Variants in UBXN1 observed in about 807,000 individuals in gnomAD.
UBXN1 encodes UBX domain protein 1.
In UBXN1, 21 loss-of-function variants were observed where a neutral mutation model predicts 42.0. The observed-to-expected ratio is 0.50, with a 90% CI of 0.35 to 0.72. The LOEUF (loss-of-function observed/expected upper bound fraction) is 0.72, where lower values mean the gene tolerates loss of function less well. Ranked by LOEUF, UBXN1 falls within the 30% of genes least tolerant of loss-of-function variation. The pLI is 0.00. For missense variants in UBXN1, 374 were observed against 382.2 expected (o/e 0.98, Z 0.18); for synonymous variants, 172 against 142.6 (o/e 1.21, Z -1.47).
Position 62,679,048 on chromosome 11 carries a change from T to C in UBXN1, c.-125A>G, listed in dbSNP as rs955282085. 11 of 1,057,512 alleles carry C rather than the reference T, an allele frequency of 1.0e-5. No homozygotes were observed. The Admixed American group carries it at 1.8e-4, about 18-fold the overall frequency. 65.5% of individuals were successfully genotyped at this position (1,057,512 alleles called of 1,614,324 possible). On this transcript the variant is annotated 5_prime_UTR_variant, in exon 1 of 9. Transcript: ENST00000301935. ...GCGCTCGCTCTCTCACCCGGCTCTA[T>C]AGCAGCCGGGAACACCGACGAGAAG...
chr11:62,677,172 G>A lies in UBXN1; in HGVS notation c.652-167C>T, dbSNP rs968730853. Reference sequence around the variant, plus strand: ...ACTTAGGCTCCGCTTTACTAAGTGCGGATGAGAGACTCCCAGCTCCCTCAC... The same window carrying A: ...ACTTAGGCTCCGCTTTACTAAGTGCAGATGAGAGACTCCCAGCTCCCTCAC... On this transcript the variant is annotated intron_variant, in intron 7 of 8. Coordinates refer to ENST00000301935, the MANE Select transcript of UBXN1 (RefSeq NM_001286077.2). 22 of 742,504 alleles carry A rather than the reference G, an allele frequency of 3.0e-5. 1 individual carries two copies. In the East Asian group the frequency reaches 3.5e-4, roughly 12 times the overall value. The allele number at this position is 742,504 out of a possible 1,614,324, so 46.0% of individuals were successfully genotyped here.
Position 62,676,804 on chromosome 11 carries a change from C to T in UBXN1, c.844+9G>A. On this transcript the variant is annotated intron_variant, in intron 8 of 8. Coordinates refer to ENST00000301935, the MANE Select transcript of UBXN1 (RefSeq NM_001286077.2). ...TTTCTAGTCCTGGTTTCTAGTCTTGCAGCCATACCCAGCTCCTGCAGAGGC... is the reference window on the plus strand; with the variant it reads ...TTTCTAGTCCTGGTTTCTAGTCTTGTAGCCATACCCAGCTCCTGCAGAGGC... The T allele has an allele frequency of 6.2e-7, 1 of 1,614,172 alleles. No individual in the cohort carries two copies. Among genetic ancestry groups the T allele is most frequent in the Non-Finnish European group, 8.5e-7 (1 of 1,180,042 alleles).
rs1230679236 is a variant in UBXN1, at chr11:62,676,526, G to A, written c.*64C>T. ...ACAGAACTCAGGGTCTATTTATTAGGAAGGAGATGTCAGTGCTTTATCAAA... is the reference window on the plus strand; with the variant it reads ...ACAGAACTCAGGGTCTATTTATTAGAAAGGAGATGTCAGTGCTTTATCAAA... On this transcript the variant is annotated 3_prime_UTR_variant, in exon 9 of 9. Coordinates refer to ENST00000301935, the MANE Select transcript of UBXN1 (RefSeq NM_001286077.2). 6 of 1,523,640 alleles carry A rather than the reference G, an allele frequency of 3.9e-6. No homozygotes were observed. Among genetic ancestry groups the A allele is most frequent in the Non-Finnish European group, 8.8e-7 (1 of 1,131,950 alleles). 94.4% of individuals were successfully genotyped at this position (1,523,640 alleles called of 1,614,324 possible). A position where few individuals can be genotyped will look rare whatever the true frequency, so the allele number is the denominator to read the frequency against.
In UBXN1 at chr11:62,678,377, G is replaced by A; in HGVS notation, c.252C>T (p.Pro84=). 1 of 1,614,060 alleles carries A rather than the reference G, an allele frequency of 6.2e-7. No individual in the cohort carries two copies. Among genetic ancestry groups the A allele is most frequent in the African/African-American group, 1.3e-5 (1 of 75,006 alleles). ...GSGSAAGEGK[P]ALSEEERQEQ... ...CCTGTCTTTCCTCTTCACTCAAAGC[G>A]GGTTTGCCTTCTCCGGCAGCAGAAC... Residue 84 remains proline, a synonymous_variant, in exon 4 of 9, where the codon CCC becomes CCT. Coordinates refer to ENST00000301935, the MANE Select transcript of UBXN1 (RefSeq NM_001286077.2).
In UBXN1 at chr11:62,676,912, C is replaced by G. The variant is rs111325595; in HGVS notation, c.745G>C (p.Glu249Gln). 13,979 of 1,613,828 alleles carry G rather than the reference C, an allele frequency of 8.7e-3. 79 individuals are homozygous for G. Among genetic ancestry groups the G allele is most frequent in the Non-Finnish European group, 0.01 (12,056 of 1,180,048 alleles). The change falls in exon 8 of 9, where the codon GAG becomes CAG. Residue 249 changes from glutamate to glutamine, a missense_variant. Coordinates refer to ENST00000301935, the MANE Select transcript of UBXN1 (RefSeq NM_001286077.2). The stretch of plus-strand genomic sequence containing the variant: ...GGGTCCTGGCCCCCACCTAGTTCCT[C>G]CCCACGGTGGAGCTCCACATAGAGC... ...VRLYVELHRGEELGGGQDPVQ... is the reference protein window; with the variant it reads ...VRLYVELHRGQELGGGQDPVQ...
At position 62,678,948 on chromosome 11, in the gene UBXN1, G is replaced by C. The variant is rs920554362; in HGVS notation, c.-25C>G. 1 of 1,562,708 alleles carries C rather than the reference G, an allele frequency of 6.4e-7. No individual in the cohort carries two copies. Among genetic ancestry groups the C allele is most frequent in the Non-Finnish European group, 8.6e-7 (1 of 1,157,806 alleles). ...TGGCGCCGACACCGCGGCTTCCGCG[G>C]GGACCTGGTGTGTGACGAGAAGGAG... On this transcript the variant is annotated 5_prime_UTR_variant, in exon 1 of 9. Coordinates refer to ENST00000301935, the MANE Select transcript of UBXN1 (RefSeq NM_001286077.2).
chr11:62,676,792 T>C, intron 8 of UBXN1, 21 bp downstream of exon 8: 1 of 1,614,140 alleles, frequency 6.2e-7, no homozygotes, highest in South Asian at 1.1e-5. Context: ...CTAGTCCTGG[T>C]TTCTAGTCTT....
chr11:62,678,242 A>G (rs1255837382), intron 4 of UBXN1, 97 bp downstream of exon 4: 1 of 1,605,524 alleles, frequency 6.2e-7, no homozygotes, highest in Admixed American at 1.7e-5. Context: ...AATGCCAAGA[A>G]AGAGGAAATG....
At chr11:62,677,332 T>C in intron 7 of UBXN1, 186 bp downstream of exon 7, 1 of 683,794 alleles carries the variant, frequency 1.5e-6, no homozygotes, top group Non-Finnish European at 2.5e-6. Flanking sequence ...GAGGTATGGG[T>C]TTAAATACAA....
Position 62,677,777 on chromosome 11 carries a change from C to T in UBXN1, c.534+4G>A, listed in dbSNP as rs1945050171. On this transcript the variant is annotated splice_donor_region_variant and intron_variant, in intron 6 of 8. Coordinates refer to ENST00000301935, the MANE Select transcript of UBXN1 (RefSeq NM_001286077.2). ...TTACCCGTGGCGTCTTCTCAGTCAC[C>T]TACCTTCTTGGCTCTCTCTGCTTTG... 1 of 1,614,230 alleles carries T rather than the reference C, an allele frequency of 6.2e-7. No individual in the cohort carries two copies. Among genetic ancestry groups the T allele is most frequent in the South Asian group, 1.1e-5 (1 of 91,086 alleles).
In UBXN1 at chr11:62,677,983, C is replaced by T. The variant is rs760844601; in HGVS notation, c.426G>A (p.Glu142=). ...GCCTCTCCTCAGCAGCCCGGCGCAT[C>T]TCATCTTCCTGTAGCCGCTGTCGTG... ...SAARQRLQED[E]MRRAAEERRR... The change falls in exon 5 of 9, where the codon GAG becomes GAA. Residue 142 remains glutamate, a synonymous_variant. Transcript: ENST00000301935. 5 of 1,614,172 alleles carry T rather than the reference C, an allele frequency of 3.1e-6. No homozygotes were observed. The highest frequency in any genetic ancestry group is 4.2e-6 in the Non-Finnish European group (5 of 1,180,046).
In UBXN1 at chr11:62,678,522, T is replaced by C; in HGVS notation, c.193A>G (p.Thr65Ala). ...PLGHILGREP[T>A]SSEQGGLEGS... ...TCAAGGCCGCCTTGCTCTGAGGAAG[T>C]GGGCTCCCGTCCCAGGATATGTCCA... The change falls in exon 3 of 9, where the codon ACT (threonine) becomes GCT (alanine). Residue 65 changes from threonine (T) to alanine (A), a missense_variant. Coordinates refer to ENST00000301935, the MANE Select transcript of UBXN1 (RefSeq NM_001286077.2). 1.9e-6 allele frequency: 3 copies of C among 1,611,496 alleles called. No individual in the cohort carries two copies. The highest frequency in any genetic ancestry group is 2.5e-6 in the Non-Finnish European group (3 of 1,178,616).
rs762076822 is a variant in UBXN1, at chr11:62,677,499, TA to T, written c.651+18del. On this transcript the variant is annotated intron_variant, in intron 7 of 8. Transcript: ENST00000301935. ...GAACAAAGGGGTCCCAAGAGGAAGA[TA>T]AGAATTAGAATCAGTACCTGTATGC... 4 of 1,613,040 alleles carry T rather than the reference TA, an allele frequency of 2.5e-6. No homozygotes were observed. In the South Asian group the frequency reaches 4.4e-5, roughly 18 times the overall value.
In UBXN1 at chr11:62,678,911, T is replaced by C; in HGVS notation, c.13A>G (p.Thr5Ala). MAEL[T>A]ALESLIEMGF... ...ATCTCGATGAGACTCTCAAGAGCCGTCAGCTCCGCCATGGCGCCGACACCG... is the reference window on the plus strand; with the variant it reads ...ATCTCGATGAGACTCTCAAGAGCCGCCAGCTCCGCCATGGCGCCGACACCG... Residue 5 changes from threonine (T) to alanine (A), a missense_variant, in exon 1 of 9, where the codon ACG becomes GCG. Thr to Ala is a moderately conservative substitution (Grantham distance 58). Transcript: ENST00000301935. 6.3e-7 allele frequency: 1 copy of C among 1,593,414 alleles called. No homozygotes were observed. Among genetic ancestry groups the C allele is most frequent in the Non-Finnish European group, 8.5e-7 (1 of 1,172,998 alleles).
chr11:62,678,485 C>A lies in UBXN1; in HGVS notation c.220+10G>T. 1.2e-6 allele frequency: 2 copies of A among 1,612,508 alleles called. No homozygotes were observed. Among genetic ancestry groups the A allele is most frequent in the Non-Finnish European group, 1.7e-6 (2 of 1,179,512 alleles). ...CCTGAATAATCACACCGTGGACCCT[C>A]AGTCAGGACCTTCAAGGCCGCCTTG... On this transcript the variant is annotated intron_variant, in intron 3 of 8. Coordinates refer to ENST00000301935, the MANE Select transcript of UBXN1 (RefSeq NM_001286077.2).
intron 8 of UBXN1, 37 bp downstream of exon 8, chr11:62,676,776 C>T (rs774666236): frequency 9.3e-6 from 15 of 1,614,180 alleles, no homozygotes; most frequent in Middle Eastern, 3.3e-4. Flanking sequence ...CCTACTCCCC[C>T]AGTTTCTAGT....
Position 62,676,512 on chromosome 11 carries a change from G to C in UBXN1, c.*78C>G, listed in dbSNP as rs150254212. The C allele has an allele frequency of 6.5e-4, 976 of 1,496,770 alleles. 5 individuals are homozygous for C. The African/African-American group carries it at 0.012, about 18-fold the overall frequency. 92.7% of individuals were successfully genotyped at this position (1,496,770 alleles called of 1,614,324 possible). A position where few individuals can be genotyped will look rare whatever the true frequency, so the allele number is the denominator to read the frequency against. The stretch of plus-strand genomic sequence containing the variant: ...GGAGTCAGGCATGTACAGAACTCAG[G>C]GTCTATTTATTAGGAAGGAGATGTC... On this transcript the variant is annotated 3_prime_UTR_variant, in exon 9 of 9. Coordinates refer to ENST00000301935, the MANE Select transcript of UBXN1 (RefSeq NM_001286077.2).
rs1294711576 is a variant in UBXN1 at position 62,677,811 on chromosome 11, G to C, written c.504C>G (p.Ile168Met). ...TGGCTCTCTCTGCTTTGTCCCTCTC[G>C]ATCTTTTCTCTAACTCTTTGTCTGA... ...LAARQRVREK[I>M]ERDKAERAKK... The change falls in exon 6 of 9, where the codon ATC becomes ATG. Residue 168 changes from isoleucine to methionine, a missense_variant. Ile to Met is a conservative substitution (Grantham distance 10). Transcript: ENST00000301935. The C allele has an allele frequency of 5.0e-6, 8 of 1,613,952 alleles. No homozygotes were observed. Among genetic ancestry groups the C allele is most frequent in the South Asian group, 1.1e-5 (1 of 91,080 alleles).
At chr11:62,678,223 G>A (rs1214336844) in intron 4 of UBXN1, 105 bp from the exon 5 acceptor site, 3 of 1,605,156 alleles carry the variant, frequency 1.9e-6, no homozygotes, top group South Asian at 1.1e-5. Flanking sequence ...GTAGATTAAA[G>A]GAAAAGAAAA....
Sources: allele counts gnomAD v4.1 joint callset, GRCh38; gene constraint gnomAD v4.1.1; transcripts MANE v1.5; gene names NCBI Gene and HGNC (gene_info 2026-07-23, HGNC 2026-07-21).